Variants in MAP2K4 observed in about 807,000 individuals in gnomAD.
MAP2K4 encodes the protein mitogen-activated protein kinase kinase 4.
A neutral mutation model predicts 48.5 loss-of-function variants in MAP2K4; 4 were observed. The ratio of observed to expected loss-of-function variants is 0.08; its 90% CI spans 0.04 to 0.19. MAP2K4 has a LOEUF of 0.19. Among genes scored for constraint, MAP2K4 ranks in the 10% least tolerant of loss-of-function variants. The pLI, the probability that MAP2K4 is intolerant of heterozygous loss-of-function variation, is 1.00. For missense variants in MAP2K4, 258 were observed against 493.3 expected, an observed-to-expected ratio of 0.52 and a Z score of 4.52; for synonymous variants, 166 against 173.1, an observed-to-expected ratio of 0.96 and a Z score of 0.32.
chr17:12,103,698 C>A (rs997098397), intron 4 of MAP2K4, among the ~76,000 whole-genome samples: 5 of 152,040 alleles, frequency 3.3e-5, no homozygotes, highest in African/African-American at 1.2e-4. Flanking sequence ...TGTGCATTTT[C>A]CCCTACATTT....
intron 8 of MAP2K4, among the ~76,000 whole-genome samples, chr17:12,125,629 A>C (rs937232693): frequency 6.6e-6 from 1 of 152,192 alleles, no homozygotes; most frequent in Admixed American, 6.5e-5. Context: ...AGATAATAGG[A>C]GTCAACTATT....
Position 12,143,790 on chromosome 17 carries a change from A to G in MAP2K4, c.*2530A>G, listed in dbSNP as rs183170582. On this transcript the variant is annotated 3_prime_UTR_variant, in exon 11 of 11. Transcript: ENST00000353533. ...CTGAGAGGGGAAAATCTTAAAGTAA[A>G]TTACATTAAATTATCTGTGCATTTC... is the stretch of plus-strand genomic sequence containing the variant. 1.7e-4 allele frequency: 39 copies of G among 227,152 alleles called. No homozygotes were observed. In the Admixed American group the frequency reaches 1.9e-3, roughly 11 times the overall value. 14.1% of individuals were successfully genotyped at this position (227,152 alleles called of 1,614,324 possible). A position where few individuals can be genotyped will look rare whatever the true frequency, so the allele number is the denominator to read the frequency against.
chr17:12,021,345 T>G, intron 1 of MAP2K4: 2 of 159,804 alleles, frequency 1.3e-5, no homozygotes, highest in Non-Finnish European at 2.7e-5. Flanking sequence ...CGGCCCCCGT[T>G]TCCGGGAACG....
At chr17:12,024,486 C>T (rs1025973130) in intron 1 of MAP2K4, among the ~76,000 whole-genome samples, 2 of 152,112 alleles carry the variant, frequency 1.3e-5, no homozygotes, top group Non-Finnish European at 2.9e-5. Flanking sequence ...TTCACAAACA[C>T]ACCCAACCTT....
chr17:12,122,199 A>C (rs1191294656), intron 7 of MAP2K4, among the ~76,000 whole-genome samples: 1 of 152,242 alleles, frequency 6.6e-6, no homozygotes, highest in African/African-American at 2.4e-5. Context: ...TTTAAGTGCT[A>C]ACTTACTGAG....
intron 1 of MAP2K4, among the ~76,000 whole-genome samples, chr17:12,033,642 A>G (rs1969506794): frequency 6.6e-6 from 1 of 152,218 alleles, no homozygotes; most frequent in South Asian, 2.1e-4. Context: ...ATATATATCT[A>G]TATGAAATGA....
At chr17:12,090,825 T>G (rs970674394) in intron 3 of MAP2K4, among the ~76,000 whole-genome samples, 3 of 152,222 alleles carry the variant, frequency 2.0e-5, no homozygotes, top group South Asian at 2.1e-4. Context: ...CTTATTTGCT[T>G]CTTTTTCTTT....
chr17:12,062,596 T>G (rs1235593951), intron 2 of MAP2K4, among the ~76,000 whole-genome samples: 1 of 152,340 alleles, frequency 6.6e-6, no homozygotes, highest in African/African-American at 2.4e-5. Context: ...CCCAGAGTGC[T>G]GGAATTACAG....
intron 1 of MAP2K4, among the ~76,000 whole-genome samples, chr17:12,031,239 T>C (rs1407663957): frequency 6.6e-6 from 1 of 152,224 alleles, no homozygotes; most frequent in Non-Finnish European, 1.5e-5. Context: ...CATGTCAAAG[T>C]AGCTACATTA....
chr17:12,079,320 A>G (rs1214192812), intron 2 of MAP2K4, among the ~76,000 whole-genome samples: 1 of 152,228 alleles, frequency 6.6e-6, no homozygotes, highest in Non-Finnish European at 1.5e-5. Flanking sequence ...TTAAAATAAG[A>G]CATAATATTG....
intron 9 of MAP2K4, among the ~76,000 whole-genome samples, chr17:12,131,285 G>A (rs1256460997): frequency 7.1e-6 from 1 of 140,610 alleles, no homozygotes; most frequent in African/African-American, 2.7e-5. Flanking sequence ...AGTCTCAGTT[G>A]CCCAGGCTGG....
chr17:12,031,421 A>C (rs974966369), intron 1 of MAP2K4, among the ~76,000 whole-genome samples: 2 of 152,120 alleles, frequency 1.3e-5, no homozygotes, highest in Non-Finnish European at 2.9e-5. Flanking sequence ...TACTTCCTTC[A>C]TTTTGTTCCC....
chr17:12,049,081 TTGAC>T (rs1172958129), intron 1 of MAP2K4, among the ~76,000 whole-genome samples: 12 of 152,232 alleles, frequency 7.9e-5, no homozygotes, highest in Non-Finnish European at 1.5e-4. Context: ...CTGAAATTGT[TTGAC>T]TGTAAAGTTG....
intron 10 of MAP2K4, among the ~76,000 whole-genome samples, chr17:12,140,881 G>A (rs1269602527): frequency 1.3e-5 from 2 of 152,074 alleles, no homozygotes; most frequent in Admixed American, 6.5e-5. Context: ...AACACTCCCT[G>A]GTATACAGAT....
At chr17:12,059,597 T>C (rs1970387328) in intron 2 of MAP2K4, among the ~76,000 whole-genome samples, 1 of 152,196 alleles carries the variant, frequency 6.6e-6, no homozygotes, top group Admixed American at 6.5e-5. Context: ...TTTTGGGGCT[T>C]AAGAGTTTTG....
chr17:12,114,826 C>T (rs1041458199), intron 7 of MAP2K4, among the ~76,000 whole-genome samples: 13 of 152,126 alleles, frequency 8.5e-5, no homozygotes, highest in African/African-American at 2.7e-4. Flanking sequence ...TTAAAACAGA[C>T]TTTCGTCATT....
At chr17:12,040,237 T>G (rs1228377036) in intron 1 of MAP2K4, among the ~76,000 whole-genome samples, 2 of 152,154 alleles carry the variant, frequency 1.3e-5, no homozygotes, top group Non-Finnish European at 2.9e-5. Context: ...CAGACATATG[T>G]GGGCTTTGCA....
intron 2 of MAP2K4, among the ~76,000 whole-genome samples, chr17:12,059,138 T>C (rs1970372990): frequency 6.6e-6 from 1 of 152,246 alleles, no homozygotes; most frequent in African/African-American, 2.4e-5. Flanking sequence ...ATGCATATTA[T>C]AATAGAGACT....
intron 1 of MAP2K4, among the ~76,000 whole-genome samples, chr17:12,036,896 C>T (rs955876440): frequency 1.6e-5 from 2 of 126,668 alleles, no homozygotes; most frequent in Non-Finnish European, 3.5e-5. Context: ...ATCCTCCCCC[C>T]CGCCACCTTT....
Sources: gnomAD v4.1 joint callset for allele counts (sites outside exome capture counted in the v4.1 genomes callset) on GRCh38, gnomAD v4.1.1 for gene constraint, MANE v1.5 for transcripts, NCBI Gene and HGNC (gene_info 2026-07-23, HGNC 2026-07-21) for gene names.